Variants in FLYWCH2 observed in about 807,000 individuals in gnomAD.
FLYWCH2 encodes the protein FLYWCH family member 2.
In FLYWCH2, 2 loss-of-function variants were observed where a neutral mutation model predicts 6.0. The ratio of observed to expected loss-of-function variants is 0.33; its 90% CI spans 0.14 to 1.04. FLYWCH2 has a LOEUF of 1.04. FLYWCH2 is among the 50% of genes least tolerant of loss of function. The pLI is 0.45. For synonymous variants in FLYWCH2, 87 were observed against 79.3 expected (o/e 1.10, Z -0.52); for missense variants, 192 against 183.4 (o/e 1.05, Z -0.27).
At chr16:2,896,836 C>CT in intron 3 of FLYWCH2, 65 bp downstream of exon 3, 1 of 1,446,214 alleles carries the variant, frequency 6.9e-7, no homozygotes, top group Non-Finnish European at 9.3e-7. Flanking sequence ...CACAGCCGCG[C>CT]TGGCTCCATC....
chr16:2,899,131 G>A lies in FLYWCH2; in HGVS notation c.405G>A (p.Ala135=), dbSNP rs369874426. ...AGENFAPCSV[A]PGKSL ...AGAACTTTGCCCCCTGCTCTGTGGC[G>A]CCCGGCAAGTCCCTGTAACCTTGAC... Residue 135 remains alanine (A), a synonymous_variant, in exon 4 of 4, where the codon GCG becomes GCA. Coordinates refer to ENST00000396958, the MANE Select transcript of FLYWCH2 (RefSeq NM_138439.3). 6 of 1,613,034 alleles carry A rather than the reference G, an allele frequency of 3.7e-6. No individual in the cohort carries two copies. Among genetic ancestry groups the A allele is most frequent in the South Asian group, 2.2e-5 (2 of 90,926 alleles).
chr16:2,886,252 G>T (rs544615494), intron 1 of FLYWCH2, among the ~76,000 whole-genome samples: 1 of 151,778 alleles, frequency 6.6e-6, no homozygotes, highest in Non-Finnish European at 1.5e-5. Context: ...GTGCAGTGGC[G>T]CCACCTCGGC....
chr16:2,898,729 G>A (rs1230764288), intron 3 of FLYWCH2: 7 of 264,370 alleles, frequency 2.6e-5, no homozygotes, highest in African/African-American at 6.7e-5. Context: ...CTCAGGCATC[G>A]ACCACCCCCA....
chr16:2,895,995 G>T (rs952605754), intron 2 of FLYWCH2, among the ~76,000 whole-genome samples: 12 of 152,238 alleles, frequency 7.9e-5, no homozygotes, highest in Admixed American at 6.5e-4. Flanking sequence ...AACAGGGGTG[G>T]GAGGTGGGAC....
At chr16:2,887,313 C>CTTT (rs71158114) in intron 1 of FLYWCH2, among the ~76,000 whole-genome samples, 6 of 72,516 alleles carry the variant, frequency 8.3e-5, no homozygotes, top group African/African-American at 2.4e-4. Flanking sequence ...GCCCGGCTTT[C>CTTT]TTTTTTTTTT....
intron 1 of FLYWCH2, among the ~76,000 whole-genome samples, chr16:2,891,092 G>T (rs150677513): frequency 1.2e-4 from 18 of 152,306 alleles, no homozygotes; most frequent in African/African-American, 4.1e-4. Context: ...GGCTTCCAAG[G>T]CAGGACCTCA....
intron 1 of FLYWCH2, among the ~76,000 whole-genome samples, chr16:2,887,313 C>CTTTTTTTTTTTTTTTTTT (rs71158114): frequency 1.4e-5 from 1 of 72,538 alleles, no homozygotes; most frequent in African/African-American, 4.8e-5. Flanking sequence ...GCCCGGCTTT[C>CTTTTTTTTTTTTTTTTTT]TTTTTTTTTT....
rs1596339405 is a variant in FLYWCH2, at chr16:2,896,343, C to T, written c.-98-9C>T. ...TCCACCACTGACGGGATTTTGCTTCCTTCCTTAGGACGGAACCGCTGGACT... is the reference window on the plus strand; with the variant it reads ...TCCACCACTGACGGGATTTTGCTTCTTTCCTTAGGACGGAACCGCTGGACT... On this transcript the variant is annotated splice_polypyrimidine_tract_variant and intron_variant, in intron 2 of 3. Coordinates refer to ENST00000396958, the MANE Select transcript of FLYWCH2 (RefSeq NM_138439.3). 2 of 1,398,394 alleles carry T rather than the reference C, an allele frequency of 1.4e-6. No homozygotes were observed. The highest frequency in any genetic ancestry group is 2.5e-5 in the East Asian group (1 of 40,162). The allele number at this position is 1,398,394 out of a possible 1,614,324, so 86.6% of individuals were successfully genotyped here.
chr16:2,884,571 A>AAAAAAC (rs2069676497), intron 1 of FLYWCH2, among the ~76,000 whole-genome samples: 1 of 144,542 alleles, frequency 6.9e-6, no homozygotes, highest in African/African-American at 2.6e-5. Context: ...AAAAAAAAAA[A>AAAAAAC]AAAAAATACA....
chr16:2,898,297 G>A (rs973314985), intron 3 of FLYWCH2, among the ~76,000 whole-genome samples: 3 of 152,156 alleles, frequency 2.0e-5, no homozygotes, highest in African/African-American at 4.8e-5. Flanking sequence ...GAGGGACCCC[G>A]TCCTCCCAGA....
chr16:2,895,878 G>A (rs558053454), intron 2 of FLYWCH2, among the ~76,000 whole-genome samples: 1 of 152,230 alleles, frequency 6.6e-6, no homozygotes, highest in African/African-American at 2.4e-5. Flanking sequence ...TGTGGTCATG[G>A]GCTCTGTGTC....
chr16:2,890,191 T>C (rs8045395), intron 1 of FLYWCH2, among the ~76,000 whole-genome samples: 41,417 of 151,838 alleles, frequency 0.27, 5,708 homozygotes, highest in Admixed American at 0.3. Context: ...TGATCCCACA[T>C]TCATTTTTGT....
intron 3 of FLYWCH2, 68 bp from the exon 4 acceptor site, chr16:2,898,981 C>A: frequency 7.6e-7 from 1 of 1,317,968 alleles, no homozygotes; most frequent in South Asian, 1.3e-5. Flanking sequence ...CCTGGTAGAC[C>A]CCCAACAGCC....
intron 1 of FLYWCH2, among the ~76,000 whole-genome samples, chr16:2,887,550 A>G: frequency 6.6e-6 from 1 of 151,710 alleles, no homozygotes; most frequent in East Asian, 1.9e-4. Context: ...TGGTCCTAGC[A>G]TTTAATGTTT....
At chr16:2,884,675 G>A (rs939868330) in intron 1 of FLYWCH2, among the ~76,000 whole-genome samples, 4 of 151,186 alleles carry the variant, frequency 2.6e-5, no homozygotes, top group Non-Finnish European at 5.9e-5. Context: ...GGGAGTTCGA[G>A]ACCAGCCTGA....
At chr16:2,889,097 T>C (rs552727227) in intron 1 of FLYWCH2, among the ~76,000 whole-genome samples, 21 of 148,224 alleles carry the variant, frequency 1.4e-4, no homozygotes, top group African/African-American at 5.3e-4. Context: ...AGGCAACCTT[T>C]GTCAGGGCCA....
chr16:2,886,185 TTA>T (rs2069696089), intron 1 of FLYWCH2, among the ~76,000 whole-genome samples: 1 of 151,080 alleles, frequency 6.6e-6, no homozygotes, highest in South Asian at 2.1e-4. Context: ...ATTATTGTTA[TTA>T]TTTTTTTTTT....
At chr16:2,892,079 C>T (rs2069764037) in intron 1 of FLYWCH2, among the ~76,000 whole-genome samples, 2 of 151,836 alleles carry the variant, frequency 1.3e-5, no homozygotes. Context: ...GTAATCCCAG[C>T]TACTCGGGAG....
intron 1 of FLYWCH2, among the ~76,000 whole-genome samples, chr16:2,894,738 C>G (rs886716868): frequency 4.6e-5 from 7 of 152,182 alleles, no homozygotes; most frequent in Non-Finnish European, 1.0e-4. Flanking sequence ...TTCACATCTG[C>G]TTTTGTTTAG....
Sources: allele counts gnomAD v4.1 joint callset (sites outside exome capture counted in the v4.1 genomes callset), GRCh38; gene constraint gnomAD v4.1.1; transcripts MANE v1.5; gene names NCBI Gene and HGNC (gene_info 2026-07-23, HGNC 2026-07-21).